Variants in PAMR1 observed in about 807,000 individuals in gnomAD.
PAMR1 encodes inactive serine protease PAMR1.
PAMR1 carries 88 observed loss-of-function variants against 81.8 expected under a neutral mutation model. The observed-to-expected ratio is 1.08, with a 90% CI of 0.91 to 1.28. The LOEUF is 1.28. PAMR1 is among the 50% of genes most tolerant of loss of function. The pLI is 0.00. For synonymous variants in PAMR1, 336 were observed against 345.3 expected, an observed-to-expected ratio of 0.97 and a Z score of 0.30; for missense variants, 935 against 919.7, an observed-to-expected ratio of 1.02 and a Z score of -0.21.
At chr11:35,459,318 T>C (rs1041202465) in intron 6 of PAMR1, among the ~76,000 whole-genome samples, 1 of 152,208 alleles carries the variant, frequency 6.6e-6, no homozygotes, top group African/African-American at 2.4e-5. Context: ...AGTCATTGTA[T>C]TTCTTCTTCA....
chr11:35,464,928 T>C (rs753780959), intron 6 of PAMR1, among the ~76,000 whole-genome samples: 1 of 152,182 alleles, frequency 6.6e-6, no homozygotes, highest in Non-Finnish European at 1.5e-5. Context: ...GGAATTCTAT[T>C]TGGAAAAGAG....
chr11:35,460,453 C>A (rs534389101), intron 6 of PAMR1, among the ~76,000 whole-genome samples: 1 of 152,090 alleles, frequency 6.6e-6, no homozygotes, highest in South Asian at 2.1e-4. Flanking sequence ...TTAGGTATAT[C>A]TCCTAATGCT....
Position 35,505,904 on chromosome 11 carries a change from C to T in PAMR1, c.74-11632G>A, listed in dbSNP as rs201019942. 1.2e-4 allele frequency among the ~76,000 whole-genome samples: 18 copies of T among 151,638 alleles called. No homozygotes were observed. In the East Asian group the frequency reaches 3.3e-3, roughly 28 times the overall value. ...CTATTGCCATTTTGTGGCTTGTTCT[C>T]TGTCATGTAACTCATCTCTTCCTTT... On this transcript the variant is annotated intron_variant, in intron 1 of 10. Coordinates refer to ENST00000619888, the MANE Select transcript of PAMR1 (RefSeq NM_001001991.3).
rs367709317 is a variant in PAMR1, at chr11:35,441,605, G to C, written c.909C>G (p.Arg303=). The C allele has an allele frequency of 6.2e-7, 1 of 1,613,966 alleles. No individual in the cohort carries two copies. Among genetic ancestry groups the C allele is most frequent in the Non-Finnish European group, 8.5e-7 (1 of 1,179,914 alleles). ...ACACCACGGTGCCAATTTTAGCATG[G>C]CGTCCGTTGATAAGCCCAGGGCCCC... The part of the protein sequence containing the change: ...ITGGPGLING[R]HAKIGTVVSF... Residue 303 remains arginine, a synonymous_variant, in exon 7 of 11, where the codon CGC becomes CGG. Coordinates refer to ENST00000619888, the MANE Select transcript of PAMR1 (RefSeq NM_001001991.3).
intron 1 of PAMR1, among the ~76,000 whole-genome samples, chr11:35,509,456 A>G (rs1851034519): frequency 6.6e-6 from 1 of 152,234 alleles, no homozygotes; most frequent in Non-Finnish European, 1.5e-5. Context: ...TCCAGAAACT[A>G]GGATTTAGAG....
intron 1 of PAMR1, among the ~76,000 whole-genome samples, chr11:35,524,573 A>T (rs1245518122): frequency 6.6e-6 from 1 of 152,162 alleles, no homozygotes; most frequent in African/African-American, 2.4e-5. Context: ...GAAGGGAAGC[A>T]GCGAAGGCTC....
upstream of PAMR1, among the ~76,000 whole-genome samples, chr11:35,526,977 C>A (rs1473486588): frequency 6.6e-6 from 1 of 151,978 alleles, no homozygotes; most frequent in Non-Finnish European, 1.5e-5. Flanking sequence ...TCACCCTGGA[C>A]TATTGATGAA....
rs1435042087 is a variant in PAMR1 at position 35,434,614 on chromosome 11, G to A, written c.1524C>T (p.Asp508=). Residue 508 remains aspartate, a synonymous_variant, in exon 10 of 11, where the codon GAC becomes GAT. Transcript: ENST00000619888. ...TCTTGATCATGGTGACCTTCCCCAG[G>A]TCAGTAACACAGTGGGCAGCCACCA... ...TVVVAAHCVT[D]LGKVTMIKTA... The A allele has an allele frequency of 1.2e-6, 2 of 1,613,926 alleles. No individual in the cohort carries two copies. Among genetic ancestry groups the A allele is most frequent in the Non-Finnish European group, 8.5e-7 (1 of 1,180,018 alleles).
intron 1 of PAMR1, among the ~76,000 whole-genome samples, chr11:35,507,416 A>AATAT (rs1277937903): frequency 1.3e-5 from 2 of 150,852 alleles, no homozygotes; most frequent in African/African-American, 4.9e-5. Context: ...GAAAGCCTCA[A>AATAT]ATTTTTCAGT....
intron 7 of PAMR1, 31 bp downstream of exon 7, chr11:35,441,450 T>C: frequency 6.6e-7 from 1 of 1,526,544 alleles, no homozygotes. Flanking sequence ...TTCATCAATG[T>C]CCGTAGACTT....
intron 3 of PAMR1, among the ~76,000 whole-genome samples, chr11:35,489,702 C>A (rs188999288): frequency 6.6e-6 from 1 of 152,334 alleles, no homozygotes; most frequent in East Asian, 1.9e-4. Context: ...ATTTTCACAC[C>A]CTGACCATAC....
chr11:35,529,166 G>A (rs1480457211), upstream of PAMR1, among the ~76,000 whole-genome samples: 1 of 152,134 alleles, frequency 6.6e-6, no homozygotes, highest in Admixed American at 6.6e-5. Flanking sequence ...TCTTAATCTG[G>A]AAGCTCCTGG....
chr11:35,432,905 G>C lies in PAMR1; in HGVS notation c.1627-13C>G. The stretch of plus-strand genomic sequence containing the variant: ...TGATAGCAGAAATCTACAAATGCAA[G>C]GAATGGGCAGCAATGGTGAGGAGCC... On this transcript the variant is annotated splice_polypyrimidine_tract_variant and intron_variant, in intron 10 of 10. Transcript: ENST00000619888. 6.4e-7 allele frequency: 1 copy of C among 1,554,684 alleles called. No individual in the cohort carries two copies. Among genetic ancestry groups the C allele is most frequent in the Non-Finnish European group, 8.7e-7 (1 of 1,153,484 alleles).
rs181414120 is a variant in PAMR1 at position 35,479,272 on chromosome 11, C to T, written c.380-4528G>A. Among the ~76,000 whole-genome samples the T allele has an allele frequency of 4.2e-3, 644 of 152,236 alleles. 3 individuals carry two copies. The highest frequency in any genetic ancestry group is 6.8e-3 in the Non-Finnish European group (461 of 68,022). ...TTCAAAGATGACACAGTCTGTGATGCCAGCCGGGGTCCGAATCTTAGTTCG... is the reference window on the plus strand; with the variant it reads ...TTCAAAGATGACACAGTCTGTGATGTCAGCCGGGGTCCGAATCTTAGTTCG... On this transcript the variant is annotated intron_variant, in intron 3 of 10. Coordinates refer to ENST00000619888, the MANE Select transcript of PAMR1 (RefSeq NM_001001991.3).
intron 1 of PAMR1, among the ~76,000 whole-genome samples, chr11:35,499,727 A>C (rs1324762526): frequency 1.3e-5 from 2 of 152,178 alleles, no homozygotes; most frequent in Admixed American, 6.6e-5. Flanking sequence ...TCTTTACTCC[A>C]ATGAGCAAGC....
At chr11:35,523,948 T>G (rs1851333591) in intron 1 of PAMR1, among the ~76,000 whole-genome samples, 1 of 152,228 alleles carries the variant, frequency 6.6e-6, no homozygotes, top group Admixed American at 6.5e-5. Flanking sequence ...CAGGTTTTTT[T>G]ATTTTCTTTT....
upstream of PAMR1, among the ~76,000 whole-genome samples, chr11:35,529,654 A>G (rs997280304): frequency 6.6e-6 from 1 of 152,158 alleles, no homozygotes; most frequent in African/African-American, 2.4e-5. Flanking sequence ...CCTAAAATAT[A>G]CTAAGATATC....
At chr11:35,516,421 C>T (rs1054276325) in intron 1 of PAMR1, among the ~76,000 whole-genome samples, 36 of 152,282 alleles carry the variant, frequency 2.4e-4, no homozygotes, top group African/African-American at 8.4e-4. Context: ...TCAGTGGGGG[C>T]TGAAAAGATC....
rs974492650 is a variant in PAMR1 at position 35,456,140 on chromosome 11, A to AT, written c.820+11860dup. Among the ~76,000 whole-genome samples the AT allele has an allele frequency of 3.1e-4, 47 of 151,590 alleles. No homozygotes were observed. The East Asian group carries it at 6.6e-3, about 21-fold the overall frequency. ...AGTAGGGAGAATAAATACATATATA[A>AT]TTTTTTTTTCACTTGCACCAATTCT... On this transcript the variant is annotated intron_variant, in intron 6 of 10. Transcript: ENST00000619888.
Sources: gnomAD v4.1 joint callset for allele counts (sites outside exome capture counted in the v4.1 genomes callset) on GRCh38, gnomAD v4.1.1 for gene constraint, MANE v1.5 for transcripts, NCBI Gene and HGNC (gene_info 2026-07-23, HGNC 2026-07-21) for gene names.